ATP13A3: variants seen among roughly 807,000 people sequenced by gnomAD.
ATP13A3 encodes the protein polyamine-transporting ATPase 13A3.
In ATP13A3, 59 loss-of-function variants were observed where a neutral mutation model predicts 158.1. That is an observed-to-expected ratio of 0.37 (90% CI 0.30 to 0.46). The LOEUF (loss-of-function observed/expected upper bound fraction) is 0.46, where lower values mean the gene tolerates loss of function less well. Among genes scored for constraint, ATP13A3 ranks in the 20% least tolerant of loss-of-function variants. The pLI is 1.00. For missense variants in ATP13A3, 1,166 were observed against 1,525.2 expected, an observed-to-expected ratio of 0.76 and a Z score of 3.92; for synonymous variants, 491 against 504.3, an observed-to-expected ratio of 0.97 and a Z score of 0.35.
chr3:194,469,204 T>A (rs1300667942), intron 2 of ATP13A3, among the ~76,000 whole-genome samples: 1 of 150,844 alleles, frequency 6.6e-6, no homozygotes, highest in African/African-American at 2.4e-5. Context: ...ACGCCTATAA[T>A]CCCAGCACTT....
In ATP13A3 at chr3:194,486,828, G is replaced by A. The variant is rs1390737873; in HGVS notation, c.-351C>T. The stretch of plus-strand genomic sequence containing the variant: ...GCGGCGGCGGCGTGCAGCCGGCAGG[G>A]CGAGAACAAGGGAGGGCGGCGGGAG... On this transcript the variant is annotated 5_prime_UTR_variant, in exon 1 of 34. Coordinates refer to ENST00000645319, the MANE Select transcript of ATP13A3 (RefSeq NM_001367549.1). 7 of 151,822 alleles carry A rather than the reference G, an allele frequency of 4.6e-5. No individual in the cohort carries two copies. Among genetic ancestry groups the A allele is most frequent in the Non-Finnish European group, 7.4e-5 (5 of 68,022 alleles). The allele number at this position is 151,822 out of a possible 1,614,324, so 9.4% of individuals were successfully genotyped here.
At chr3:194,407,096 G>A (rs1714994751) in intron 33 of ATP13A3, among the ~76,000 whole-genome samples, 1 of 152,112 alleles carries the variant, frequency 6.6e-6, no homozygotes, top group African/African-American at 2.4e-5. Flanking sequence ...GCTGAAAAGG[G>A]CCCTCAGAAT....
chr3:194,422,164 A>G (rs752864630), intron 30 of ATP13A3, among the ~76,000 whole-genome samples: 10 of 152,172 alleles, frequency 6.6e-5, no homozygotes, highest in Non-Finnish European at 1.2e-4. Flanking sequence ...AAAGACACTA[A>G]GTGACAGGGG....
intron 14 of ATP13A3, among the ~76,000 whole-genome samples, chr3:194,445,652 G>C (rs1157015591): frequency 1.3e-5 from 2 of 152,134 alleles, no homozygotes; most frequent in African/African-American, 2.4e-5. Context: ...TTTTTGAACT[G>C]ATAAATATGA....
chr3:194,415,922 T>C (rs1715818510), intron 31 of ATP13A3, among the ~76,000 whole-genome samples: 1 of 152,168 alleles, frequency 6.6e-6, no homozygotes. Flanking sequence ...TATATAACTT[T>C]AAGATCAAAC....
chr3:194,473,610 C>T (rs777150573), intron 2 of ATP13A3, among the ~76,000 whole-genome samples: 1 of 152,032 alleles, frequency 6.6e-6, no homozygotes, highest in African/African-American at 2.4e-5. Flanking sequence ...CCACCTTGAA[C>T]GTGCCAATCT....
Position 194,437,480 on chromosome 3 carries a change from A to C in ATP13A3, c.1846-16T>G, listed in dbSNP as rs769361812. The C allele has an allele frequency of 1.6e-5, 26 of 1,613,956 alleles. 1 individual carries two copies. The East Asian group carries it at 5.8e-4, about 36-fold the overall frequency. On this transcript the variant is annotated splice_polypyrimidine_tract_variant and intron_variant, in intron 18 of 33. Transcript: ENST00000645319. The stretch of plus-strand genomic sequence containing the variant: ...CATAAGTAGCCTATATCATTTCAAA[A>C]GAGGCACAAAGCACTTAATATTCTT...
At chr3:194,410,331 A>AAAACC (rs869283016) in intron 33 of ATP13A3, among the ~76,000 whole-genome samples, 1 of 132,938 alleles carries the variant, frequency 7.5e-6, no homozygotes, top group African/African-American at 2.9e-5. Flanking sequence ...AAAAAAAAAA[A>AAAACC]CTGCTGGGCC....
chr3:194,465,504 G>A (rs906450587), intron 2 of ATP13A3, among the ~76,000 whole-genome samples: 12 of 152,220 alleles, frequency 7.9e-5, no homozygotes, highest in African/African-American at 1.9e-4. Context: ...GCTGGGAATC[G>A]TACCCATTTT....
At chr3:194,432,005 C>A in intron 21 of ATP13A3, 113 bp from the exon 22 acceptor site, 1 of 831,732 alleles carries the variant, frequency 1.2e-6, no homozygotes, top group South Asian at 3.2e-5. Context: ...GGCAGAGTAA[C>A]GATAATGTAT....
At chr3:194,433,948 A>G (rs747101194) in intron 20 of ATP13A3, 52 bp from the exon 21 acceptor site, 3 of 1,531,696 alleles carry the variant, frequency 2.0e-6, no homozygotes, top group Non-Finnish European at 1.8e-6. Flanking sequence ...TGAGTAAGCA[A>G]CTTATGTACA....
In ATP13A3 at chr3:194,412,271, C is replaced by CATG. The variant is rs756419878; in HGVS notation, c.3498_3500dup (p.Asp1166_Met1167insIle). ...GGTTGAACACAACTTTCCAAAGGACCATGTCAAGGAAGAAGTTCTGAGAGA... is the reference window on the plus strand; with the variant it reads ...GGTTGAACACAACTTTCCAAAGGACCATGATGTCAAGGAAGAAGTTCTGAGAGA... On this transcript the variant is annotated inframe_insertion, in exon 33 of 34. Coordinates refer to ENST00000645319, the MANE Select transcript of ATP13A3 (RefSeq NM_001367549.1). 1 of 1,536,208 alleles carries CATG rather than the reference C, an allele frequency of 6.5e-7. No individual in the cohort carries two copies. The highest frequency in any genetic ancestry group is 8.7e-7 in the Non-Finnish European group (1 of 1,146,886).
intron 33 of ATP13A3, among the ~76,000 whole-genome samples, chr3:194,410,331 A>AAAAAG (rs869283016): frequency 7.5e-6 from 1 of 132,942 alleles, no homozygotes; most frequent in Non-Finnish European, 1.6e-5. Context: ...AAAAAAAAAA[A>AAAAAG]CTGCTGGGCC....
intron 8 of ATP13A3, 69 bp from the exon 9 acceptor site, chr3:194,454,461 ATTTG>A: frequency 7.0e-7 from 1 of 1,435,850 alleles, no homozygotes; most frequent in African/African-American, 1.4e-5. Flanking sequence ...CCATCTTTTC[ATTTG>A]ACAAACAAAA....
chr3:194,437,403 C>T lies in ATP13A3; in HGVS notation c.1907G>A (p.Ser636Asn). Residue 636 changes from serine (S) to asparagine (N), a missense_variant, in exon 19 of 34, where the codon AGT becomes AAT. By Grantham distance (46) the Ser-to-Asn change is conservative. Around this residue, in one of 3 missense-constraint regions of ATP13A3, gnomAD observed 997 missense variants for 1,341.2 expected, o/e 0.74. Coordinates refer to ENST00000645319, the MANE Select transcript of ATP13A3 (RefSeq NM_001367549.1). ...ATCCCCCAGCACCCTGGCAACCACA[C>T]TCATACGTTGCAAAGCAGAAGAAAA... ...FPFSSALQRMSVVARVLGDRK... is the reference protein window; with the variant it reads ...FPFSSALQRMNVVARVLGDRK... The T allele has an allele frequency of 6.2e-7, 1 of 1,614,196 alleles. No homozygotes were observed. Among genetic ancestry groups the T allele is most frequent in the Non-Finnish European group, 8.5e-7 (1 of 1,180,040 alleles).
intron 2 of ATP13A3, among the ~76,000 whole-genome samples, chr3:194,480,706 G>A (rs543572441): frequency 6.6e-6 from 1 of 152,168 alleles, no homozygotes; most frequent in East Asian, 1.9e-4. Flanking sequence ...TTCACACTGT[G>A]GAGTCACATC....
chr3:194,487,606 C>T (rs1721063169), upstream of ATP13A3: 1 of 152,310 alleles, frequency 6.6e-6, no homozygotes, highest in African/African-American at 2.4e-5. Context: ...GGGAAGGCGC[C>T]TCTTCCGACC....
intron 17 of ATP13A3, 102 bp from the exon 18 acceptor site, chr3:194,437,675 A>G: frequency 8.3e-7 from 1 of 1,209,710 alleles, no homozygotes; most frequent in Non-Finnish European, 1.1e-6. Flanking sequence ...TTATTTGGAA[A>G]AGAAACAAGC....
rs183981823 is a variant in ATP13A3 at position 194,468,254 on chromosome 3, C to T, written c.-46-6018G>A. 109 of 152,132 alleles carry T rather than the reference C, an allele frequency of 7.2e-4. 1 individual carries two copies. The highest frequency in any genetic ancestry group is 2.5e-3 in the African/African-American group (104 of 41,486). The allele number at this position is 152,132 out of a possible 1,614,324, so 9.4% of individuals were successfully genotyped here. On this transcript the variant is annotated intron_variant, in intron 2 of 33. Transcript: ENST00000645319. The stretch of plus-strand genomic sequence containing the variant: ...ATTTGAATAAATCCTAGCTAGTTAG[C>T]TCACCGAAGTTCCAATTCCACAGTG...
Sources: gnomAD v4.1 joint callset for allele counts (sites outside exome capture counted in the v4.1 genomes callset) on GRCh38, gnomAD v4.1.1 for gene constraint, gnomAD v4.1.1 regional missense constraint, MANE v1.5 for transcripts, NCBI Gene and HGNC (gene_info 2026-07-23, HGNC 2026-07-21) for gene names.